Variants in GPATCH2 observed in about 807,000 individuals in gnomAD.
The protein encoded by GPATCH2 is G-patch domain containing 2, also known as G patch domain-containing protein 2.
In GPATCH2, 51 loss-of-function variants were observed where a neutral mutation model predicts 58.0. That is an observed-to-expected ratio of 0.88 (90% confidence interval 0.70 to 1.11). The LOEUF (loss-of-function observed/expected upper bound fraction) is 1.11. Ranked by LOEUF, GPATCH2 falls within the 50% of genes most tolerant of loss-of-function variation. The probability of loss-of-function intolerance (pLI) is 0.00; values close to 1 mark genes in which losing one functional copy is unlikely to be tolerated. For synonymous variants in GPATCH2, 222 were observed against 218.5 expected (o/e 1.02, Z -0.14); for missense variants, 625 against 652.2 (o/e 0.96, Z 0.45).
intron 5 of GPATCH2, among the ~76,000 whole-genome samples, chr1:217,536,310 A>T (rs180819210): frequency 1.5e-3 from 233 of 152,314 alleles, no homozygotes; most frequent in South Asian, 5.6e-3. Context: ...ATTTTCTGTA[A>T]GGATTAAAAA....
chr1:217,440,673 C>T (rs1226166830), intron 9 of GPATCH2, among the ~76,000 whole-genome samples: 1 of 152,174 alleles, frequency 6.6e-6, no homozygotes, highest in African/African-American at 2.4e-5. Flanking sequence ...TCTCAGGATA[C>T]AAAATCAATG....
intron 8 of GPATCH2, among the ~76,000 whole-genome samples, chr1:217,484,608 TATACAC>T (rs552318763): frequency 3.3e-4 from 49 of 148,754 alleles, no homozygotes; most frequent in Non-Finnish European, 5.8e-4. Flanking sequence ...CATATATATG[TATACAC>T]ATACACATGC....
At chr1:217,608,813 ACAC>A (rs1668484690) in intron 5 of GPATCH2, 1 of 984,968 alleles carries the variant, frequency 1.0e-6, no homozygotes, top group African/African-American at 1.7e-5. Flanking sequence ...ACAATTACCA[ACAC>A]CACACTATTG....
chr1:217,449,263 C>T lies in GPATCH2; in HGVS notation c.1352G>A (p.Gly451Glu). The T allele has an allele frequency of 1.3e-6, 2 of 1,594,572 alleles. No individual in the cohort carries two copies. Among genetic ancestry groups the T allele is most frequent in the Non-Finnish European group, 1.7e-6 (2 of 1,162,142 alleles). ...KRRRKAAPLPGPTTAGFVGEN... is the reference protein window; with the variant it reads ...KRRRKAAPLPEPTTAGFVGEN... The stretch of plus-strand genomic sequence containing the variant: ...TTTTGTTTTACCTGCAGTAGTAGGT[C>T]CAGGCAAAGGTGCAGCTTTTCTTCT... The change falls in exon 9 of 10, where the codon GGA becomes GAA. Residue 451 changes from glycine to glutamate, a missense_variant. Transcript: ENST00000366935.
chr1:217,502,935 A>T (rs1662375230), intron 6 of GPATCH2, among the ~76,000 whole-genome samples: 1 of 152,138 alleles, frequency 6.6e-6, no homozygotes, highest in Non-Finnish European at 1.5e-5. Flanking sequence ...TTATTTCATC[A>T]GACTCTTAAG....
Position 217,498,535 on chromosome 1 carries a change from G to A in GPATCH2, c.1167-140C>T, listed in dbSNP as rs191025461. ...TGCTTTATTTTAATGGATGTTTCAT[G>A]TAATTCTAGACTTAGACCAATTTTG... On this transcript the variant is annotated intron_variant, in intron 6 of 9. Transcript: ENST00000366935. The A allele has an allele frequency of 1.4e-4, 97 of 714,976 alleles. No homozygotes were observed. In the East Asian group the frequency reaches 1.8e-3, roughly 14 times the overall value. The allele number at this position is 714,976 out of a possible 1,614,324, so 44.3% of individuals were successfully genotyped here.
intron 5 of GPATCH2, among the ~76,000 whole-genome samples, chr1:217,601,553 G>A (rs1385437149): frequency 5.9e-5 from 9 of 152,010 alleles, no homozygotes. Flanking sequence ...TCAGGAATCA[G>A]GAGAGATGGC....
intron 5 of GPATCH2, among the ~76,000 whole-genome samples, chr1:217,522,298 A>G (rs1322439984): frequency 6.6e-6 from 1 of 152,106 alleles, no homozygotes; most frequent in African/African-American, 2.4e-5. Flanking sequence ...TTCACAAAAA[A>G]GATTAATCAC....
intron 5 of GPATCH2, among the ~76,000 whole-genome samples, chr1:217,573,345 A>C (rs1186895786): frequency 2.6e-5 from 4 of 151,938 alleles, no homozygotes; most frequent in African/African-American, 9.7e-5. Flanking sequence ...AATTGTGCTC[A>C]CTTGGAAAAA....
chr1:217,535,542 G>A (rs139753765), intron 5 of GPATCH2, among the ~76,000 whole-genome samples: 3,965 of 152,150 alleles, frequency 0.026, 78 homozygotes, highest in East Asian at 0.076. Flanking sequence ...TAGTAGAGAC[G>A]GGGTTTCACT....
chr1:217,529,163 A>G (rs2102618477), intron 5 of GPATCH2, among the ~76,000 whole-genome samples: 1 of 152,322 alleles, frequency 6.6e-6, no homozygotes, highest in Non-Finnish European at 1.5e-5. Flanking sequence ...AAGAACAAGC[A>G]TTTGTTAAAA....
chr1:217,576,964 T>G (rs940206093), intron 5 of GPATCH2, among the ~76,000 whole-genome samples: 2 of 152,202 alleles, frequency 1.3e-5, no homozygotes, highest in African/African-American at 4.8e-5. Context: ...TGCATAGTTT[T>G]TTAAAACTCT....
At chr1:217,621,324 T>C (rs1014474740) in intron 1 of GPATCH2, among the ~76,000 whole-genome samples, 4 of 152,168 alleles carry the variant, frequency 2.6e-5, no homozygotes, top group African/African-American at 9.7e-5. Context: ...AGCCAAGGTA[T>C]CTGGTTTTAT....
At chr1:217,543,840 C>G (rs774676351) in intron 5 of GPATCH2, among the ~76,000 whole-genome samples, 9 of 151,910 alleles carry the variant, frequency 5.9e-5, no homozygotes, top group Non-Finnish European at 1.3e-4. Context: ...ACAGAACAAA[C>G]AAAGAAGGGC....
intron 6 of GPATCH2, among the ~76,000 whole-genome samples, chr1:217,508,917 T>C (rs1348785870): frequency 6.6e-6 from 1 of 152,190 alleles, no homozygotes; most frequent in Non-Finnish European, 1.5e-5. Context: ...AATATAGTAA[T>C]ATGTTTTTCA....
chr1:217,582,575 T>C (rs1045256303), intron 5 of GPATCH2, among the ~76,000 whole-genome samples: 1 of 152,104 alleles, frequency 6.6e-6, no homozygotes, highest in African/African-American at 2.4e-5. Context: ...ATTTTACTTT[T>C]AAAAAAGCAA....
At chr1:217,472,640 C>T (rs941539442) in intron 8 of GPATCH2, among the ~76,000 whole-genome samples, 4 of 152,098 alleles carry the variant, frequency 2.6e-5, no homozygotes, top group Admixed American at 1.3e-4. Context: ...ATTGAACTTT[C>T]TGGTGCTAAC....
chr1:217,470,879 T>G (rs1420286753), intron 8 of GPATCH2, among the ~76,000 whole-genome samples: 1 of 152,034 alleles, frequency 6.6e-6, no homozygotes, highest in East Asian at 1.9e-4. Flanking sequence ...AAAGTATACA[T>G]TCTAATTAAA....
At chr1:217,591,637 T>C (rs1454956940) in intron 5 of GPATCH2, among the ~76,000 whole-genome samples, 1 of 152,142 alleles carries the variant, frequency 6.6e-6, no homozygotes, top group African/African-American at 2.4e-5. Context: ...AGGTGACAAC[T>C]GTGACATTAC....
Sources: allele counts gnomAD v4.1 joint callset (sites outside exome capture counted in the v4.1 genomes callset), GRCh38; gene constraint gnomAD v4.1.1; transcripts MANE v1.5; gene names NCBI Gene and HGNC (gene_info 2026-07-23, HGNC 2026-07-21).